Variants in FAM186A observed in about 807,000 individuals in gnomAD.
The protein encoded by FAM186A is family with sequence similarity 186 member A.
FAM186A carries 163 observed loss-of-function variants against 216.8 expected under a neutral mutation model. The observed-to-expected ratio is 0.75, with a 90% CI of 0.66 to 0.86. The LOEUF (loss-of-function observed/expected upper bound fraction) is 0.86, where lower values mean the gene tolerates loss of function less well. FAM186A is among the 40% of genes least tolerant of loss of function. The probability of loss-of-function intolerance (pLI) is 0.00; values close to 1 mark genes in which losing one functional copy is unlikely to be tolerated. For missense variants in FAM186A, 2,184 were observed against 2,746.2 expected (o/e 0.80, Z 4.58); for synonymous variants, 805 against 1,025.3 (o/e 0.79, Z 4.10).
rs1010171328 is a variant in FAM186A, at chr12:50,351,357, G to T, written c.5475C>A (p.Leu1825=). 4 of 1,481,916 alleles carry T rather than the reference G, an allele frequency of 2.7e-6. No individual in the cohort carries two copies. In the African/African-American group the frequency reaches 5.7e-5, roughly 21 times the overall value. The allele number at this position is 1,481,916 out of a possible 1,614,324, so 91.8% of individuals were successfully genotyped here. Residue 1825 remains leucine (L), a synonymous_variant, in exon 4 of 8, where the codon CTC becomes CTA. Coordinates refer to ENST00000327337, the MANE Select transcript of FAM186A (RefSeq NM_001145475.3). ...APQAPPSPGQ[L]PISRAPPTPG... is the part of the protein sequence containing the mutation. ...GAGTGGGAGGGGCCCGAGATATTGGGAGCTGCCCAGGGGAGGGAGGGGCCT... is the reference window on the plus strand; with the variant it reads ...GAGTGGGAGGGGCCCGAGATATTGGTAGCTGCCCAGGGGAGGGAGGGGCCT...
chr12:50,383,552 C>T lies in FAM186A; in HGVS notation c.192+12741G>A, dbSNP rs11169405. Among the ~76,000 whole-genome samples the T allele has an allele frequency of 2.1e-3, 326 of 151,678 alleles. 1 individual carries two copies. Among genetic ancestry groups the T allele is most frequent in the African/African-American group, 6.8e-3 (282 of 41,348 alleles). ...CAGAAGTTGCAGTGAGCCAAGATCG[C>T]GCCACTCAACTCCAGCCTGGGCAAC... is the stretch of plus-strand genomic sequence containing the variant. On this transcript the variant is annotated intron_variant, in intron 1 of 7. Transcript: ENST00000327337.
chr12:50,357,251 G>A (rs559080429), intron 3 of FAM186A, among the ~76,000 whole-genome samples: 1 of 152,178 alleles, frequency 6.6e-6, no homozygotes, highest in South Asian at 2.1e-4. Context: ...GCTCATGCCT[G>A]TAATCCCAGC....
chr12:50,346,220 G>GAATGAAAGAAAGAAAGAAAGAAAGAAA (rs1555215373), intron 4 of FAM186A, among the ~76,000 whole-genome samples: 1 of 46,744 alleles, frequency 2.1e-5, no homozygotes, highest in Non-Finnish European at 3.8e-5. Context: ...AGAGAGAGAA[G>GAATGAAAGAAAGAAAGAAAGAAAGAAA]GAAAGAAAGA....
intron 4 of FAM186A, among the ~76,000 whole-genome samples, chr12:50,335,416 C>A (rs904764609): frequency 1.3e-5 from 2 of 151,876 alleles, no homozygotes; most frequent in Non-Finnish European, 2.9e-5. Context: ...GAAGCCAAGG[C>A]TGGTGGATCA....
intron 4 of FAM186A, among the ~76,000 whole-genome samples, chr12:50,347,902 T>G (rs1942835227): frequency 6.6e-6 from 1 of 152,052 alleles, no homozygotes; most frequent in African/African-American, 2.4e-5. Flanking sequence ...TTCTTTTGTT[T>G]TGTTTTTTTG....
intron 1 of FAM186A, among the ~76,000 whole-genome samples, chr12:50,364,445 C>A (rs920158113): frequency 1.3e-5 from 2 of 151,752 alleles, no homozygotes; most frequent in Admixed American, 6.6e-5. Context: ...GTAGTCCCAG[C>A]TACTGGGGAG....
At chr12:50,339,756 A>G (rs1942744496) in intron 4 of FAM186A, among the ~76,000 whole-genome samples, 1 of 150,762 alleles carries the variant, frequency 6.6e-6, no homozygotes, top group Admixed American at 6.6e-5. Context: ...ACACACACAC[A>G]CACACACACA....
chr12:50,353,868 C>T lies in FAM186A; in HGVS notation c.2964G>A (p.Met988Ile), dbSNP rs1942940616. Residue 988 changes from methionine (M) to isoleucine (I), a missense_variant, in exon 4 of 8, where the codon ATG (methionine) becomes ATA (isoleucine). Coordinates refer to ENST00000327337, the MANE Select transcript of FAM186A (RefSeq NM_001145475.3). ...CTTTAGGTTGTGTTTCCTTCATCTG[C>T]ATCTGATCCTTTGTTTTGATCTGCC... ...LERQIKTKDQ[M>I]QMKETQPKEL... The T allele has an allele frequency of 1.3e-6, 2 of 1,551,678 alleles. No homozygotes were observed. The highest frequency in any genetic ancestry group is 2.0e-5 in the Admixed American group (1 of 50,966).
intron 1 of FAM186A, among the ~76,000 whole-genome samples, chr12:50,387,678 A>T (rs1342821292): frequency 2.0e-5 from 3 of 152,078 alleles, no homozygotes; most frequent in African/African-American, 7.2e-5. Flanking sequence ...TATGCAAATG[A>T]ACTCTCCTTG....
chr12:50,372,212 TAAGTC>T (rs1293200405), intron 1 of FAM186A, among the ~76,000 whole-genome samples: 1 of 152,082 alleles, frequency 6.6e-6, no homozygotes, highest in African/African-American at 2.4e-5. Context: ...AAATCTAACT[TAAGTC>T]AAGAACACAG....
rs748723882 is a variant in FAM186A at position 50,354,950 on chromosome 12, C to T, written c.1882G>A (p.Glu628Lys). The change falls in exon 4 of 8, where the codon GAA becomes AAA. Residue 628 changes from glutamate to lysine, a missense_variant. Glu to Lys is a moderately conservative substitution (Grantham distance 56). Around this residue, in one of 7 missense-constraint regions of FAM186A, gnomAD observed 1,132 missense variants for 1,263.4 expected, o/e 0.90. Coordinates refer to ENST00000327337, the MANE Select transcript of FAM186A (RefSeq NM_001145475.3). ...GACTTGACTTGTTTGGTCAACTCTT[C>T]CTTCTCTTCAGTTTTTTCTTCTTTG... is the stretch of plus-strand genomic sequence containing the variant. The part of the protein sequence containing the change: ...TSKEEKTEEK[E>K]ELTKQVKSHQ... The T allele has an allele frequency of 1.3e-6, 2 of 1,550,248 alleles. No individual in the cohort carries two copies. Among genetic ancestry groups the T allele is most frequent in the South Asian group, 1.2e-5 (1 of 83,668 alleles).
intron 1 of FAM186A, among the ~76,000 whole-genome samples, chr12:50,375,240 C>T (rs947258174): frequency 3.3e-5 from 5 of 151,680 alleles, no homozygotes; most frequent in African/African-American, 9.7e-5. Context: ...TTTACACTAG[C>T]GATATACAAT....
intron 1 of FAM186A, among the ~76,000 whole-genome samples, chr12:50,363,910 T>A (rs921984094): frequency 1.3e-5 from 2 of 152,210 alleles, no homozygotes; most frequent in Non-Finnish European, 2.9e-5. Context: ...ATCTTACCAC[T>A]TATTAGCTTA....
intron 3 of FAM186A, among the ~76,000 whole-genome samples, chr12:50,359,631 A>C (rs756680677): frequency 3.3e-5 from 5 of 152,212 alleles, no homozygotes; most frequent in African/African-American, 4.8e-5. Context: ...CCAAAGTGGA[A>C]ACAATTCATA....
Position 50,360,859 on chromosome 12 carries a change from C to G in FAM186A, c.480G>C (p.Glu160Asp). 6.4e-7 allele frequency: 1 copy of G among 1,551,328 alleles called. No homozygotes were observed. Among genetic ancestry groups the G allele is most frequent in the South Asian group, 1.2e-5 (1 of 83,982 alleles). Reference protein sequence around the residue: ...DEHHHWIAQMELLPDTLKAIE... With the variant: ...DEHHHWIAQMDLLPDTLKAIE... Reference sequence around the variant, plus strand: ...TAGCTTTTAACGTGTCCGGTAACAACTCCATTTGTGCTATCCAGTGGTGGT... The same window carrying G: ...TAGCTTTTAACGTGTCCGGTAACAAGTCCATTTGTGCTATCCAGTGGTGGT... Residue 160 changes from glutamate to aspartate, a missense_variant, in exon 3 of 8, where the codon GAG becomes GAC. Glu to Asp is a conservative substitution (Grantham distance 45, BLOSUM62 2). Coordinates refer to ENST00000327337, the MANE Select transcript of FAM186A (RefSeq NM_001145475.3).
At chr12:50,390,415 T>A (rs1162444026) in intron 1 of FAM186A, among the ~76,000 whole-genome samples, 1 of 152,150 alleles carries the variant, frequency 6.6e-6, no homozygotes, top group Non-Finnish European at 1.5e-5. Context: ...TGACTCGTTT[T>A]CATGATTCAT....
chr12:50,367,933 G>A (rs1943106131), intron 1 of FAM186A, among the ~76,000 whole-genome samples: 3 of 152,152 alleles, frequency 2.0e-5, no homozygotes, highest in African/African-American at 7.2e-5. Context: ...ATCACCTGAG[G>A]TTGGGAGTTC....
intron 3 of FAM186A, among the ~76,000 whole-genome samples, chr12:50,356,510 C>T (rs115365434): frequency 0.01 from 1,545 of 152,190 alleles, 25 homozygotes; most frequent in African/African-American, 0.034. Flanking sequence ...TGCAGTGGCA[C>T]GATTACTGCA....
chr12:50,394,091 T>G (rs1450695738), intron 1 of FAM186A, among the ~76,000 whole-genome samples: 1 of 152,006 alleles, frequency 6.6e-6, no homozygotes, highest in Admixed American at 6.6e-5. Flanking sequence ...GCTAATTTTT[T>G]GTATTTTTAG....
Sources: allele counts gnomAD v4.1 joint callset (sites outside exome capture counted in the v4.1 genomes callset), GRCh38; gene constraint gnomAD v4.1.1; regional missense constraint gnomAD v4.1.1; transcripts MANE v1.5; gene names NCBI Gene and HGNC (gene_info 2026-07-23, HGNC 2026-07-21).